Variants in SETMAR observed in about 807,000 individuals in gnomAD.
SETMAR encodes SET and mariner transposase domain methyltransferase.
Under a neutral mutation model 58.4 loss-of-function variants are expected in SETMAR, and 44 were observed. The ratio of observed to expected loss-of-function variants is 0.75; its 90% CI spans 0.59 to 0.97. The LOEUF is 0.97. SETMAR is among the 50% of genes least tolerant of loss of function. SETMAR has a pLI of 0.00. For synonymous variants in SETMAR, 332 were observed against 307.4 expected (o/e 1.08, Z -0.84); for missense variants, 903 against 840.2 (o/e 1.07, Z -0.92).
At position 4,313,080 on chromosome 3, in the gene SETMAR, G is replaced by C. The variant is rs1698479714; in HGVS notation, c.339G>C (p.Glu113Asp). The change falls in exon 2 of 3, where the codon GAG becomes GAC. Residue 113 changes from glutamate (E) to aspartate (D), a missense_variant. By Grantham distance (45) the Glu-to-Asp change is conservative. Coordinates refer to ENST00000358065, the MANE Select transcript of SETMAR (RefSeq NM_006515.4). The stretch of plus-strand genomic sequence containing the variant: ...TAGGATCTGGAGGAAAGTATGCAGA[G>C]CCTGTTTTTGAATGCAATGTCCTGT... Reference protein sequence around the residue: ...RDIGSGGKYAEPVFECNVLCR... With the variant: ...RDIGSGGKYADPVFECNVLCR... 1.2e-6 allele frequency: 2 copies of C among 1,613,944 alleles called. No homozygotes were observed. The highest frequency in any genetic ancestry group is 2.2e-5 in the East Asian group (1 of 44,878).
In SETMAR at chr3:4,317,181, G is replaced by T; in HGVS notation, c.1990G>T (p.Gly664Ter). 6.5e-7 allele frequency: 1 copy of T among 1,550,176 alleles called. No homozygotes were observed. The highest frequency in any genetic ancestry group is 8.7e-7 in the Non-Finnish European group (1 of 1,146,386). ...ESQSTDFYATGINQLISRWQK... is the reference protein window; with the variant it reads ...ESQSTDFYAT ...CCAAAGCACGGATTTTTACGCTACA[G>T]GAATAAACCAACTTATTTCTCGTTG... Residue 664 changes from glycine to a stop codon, truncating the protein, a stop_gained, in exon 3 of 3, where the codon GGA (glycine) becomes TGA (stop). Transcript: ENST00000358065. LOFTEE classifies it high-confidence loss of function.
chr3:4,307,223 T>A (rs1698223371), intron 1 of SETMAR, among the ~76,000 whole-genome samples: 1 of 152,222 alleles, frequency 6.6e-6, no homozygotes, highest in Non-Finnish European at 1.5e-5. Context: ...GGGTCTTCAG[T>A]ACGGAATGTG....
intron 1 of SETMAR, among the ~76,000 whole-genome samples, chr3:4,307,840 C>T (rs1698251679): frequency 6.6e-6 from 1 of 152,038 alleles, no homozygotes; most frequent in Non-Finnish European, 1.5e-5. Context: ...AGTTTAAGAC[C>T]ACCCTTAACA....
At chr3:4,310,145 T>G (rs749366971) in intron 1 of SETMAR, among the ~76,000 whole-genome samples, 26 of 152,236 alleles carry the variant, frequency 1.7e-4, no homozygotes, top group Non-Finnish European at 3.2e-4. Context: ...ACTACCATTG[T>G]ATATGCATAT....
At chr3:4,303,764 G>C (rs1450959547) in intron 1 of SETMAR, 14 of 1,461,690 alleles carry the variant, frequency 9.6e-6, no homozygotes, top group Non-Finnish European at 1.2e-5. Flanking sequence ...CGCAGAACCG[G>C]AGGCCTTGTG....
chr3:4,315,689 TATACTTCCACTTGACTATTATCCC>T (rs1670112741), intron 2 of SETMAR, among the ~76,000 whole-genome samples: 2 of 152,306 alleles, frequency 1.3e-5, no homozygotes, highest in Non-Finnish European at 2.9e-5. Flanking sequence ...CATTTAAAAA[TATACTTCCACTTGACTATTATCCC>T]ATGATAAAAT....
In SETMAR at chr3:4,313,729, G is replaced by T; in HGVS notation, c.988G>T (p.Val330Leu). Reference sequence around the variant, plus strand: ...CAGCATGTGTGGCTCAGCCCCTTCTGTGTTCCCCTCCTGCAAGCGATTGAC... The same window carrying T: ...CAGCATGTGTGGCTCAGCCCCTTCTTTGTTCCCCTCCTGCAAGCGATTGAC... ...EPSMCGSAPS[V>L]FPSCKRLTLE... Residue 330 changes from valine to leucine, a missense_variant, in exon 2 of 3, where the codon GTG becomes TTG. Physicochemically the swap from Val to Leu is conservative, Grantham distance 32 (BLOSUM62 1). Coordinates refer to ENST00000358065, the MANE Select transcript of SETMAR (RefSeq NM_006515.4). 1.2e-6 allele frequency: 2 copies of T among 1,614,038 alleles called. No homozygotes were observed. Among genetic ancestry groups the T allele is most frequent in the Non-Finnish European group, 1.7e-6 (2 of 1,179,960 alleles).
chr3:4,305,075 A>G (rs1404975542), intron 1 of SETMAR, among the ~76,000 whole-genome samples: 1 of 152,076 alleles, frequency 6.6e-6, no homozygotes, highest in Non-Finnish European at 1.5e-5. Flanking sequence ...ATCAATAGAA[A>G]TGTTTAGGTT....
At chr3:4,308,135 G>A (rs1217698878) in intron 1 of SETMAR, among the ~76,000 whole-genome samples, 1 of 152,188 alleles carries the variant, frequency 6.6e-6, no homozygotes, top group Non-Finnish European at 1.5e-5. Flanking sequence ...ACTGAAAGAA[G>A]TCTAGTCTGG....
At chr3:4,305,494 T>G (rs564561924) in intron 1 of SETMAR, among the ~76,000 whole-genome samples, 2 of 152,192 alleles carry the variant, frequency 1.3e-5, no homozygotes, top group Non-Finnish European at 1.5e-5. Flanking sequence ...TCGGTCTTAG[T>G]TGATTATCTC....
In SETMAR at chr3:4,313,531, G is replaced by C. The variant is rs767620834; in HGVS notation, c.790G>C (p.Gly264Arg). 3.7e-6 allele frequency: 6 copies of C among 1,613,996 alleles called. No homozygotes were observed. In the East Asian group the frequency reaches 1.3e-4, roughly 36 times the overall value. Residue 264 changes from glycine (G) to arginine (R), a missense_variant, in exon 2 of 3, where the codon GGA becomes CGA. Coordinates refer to ENST00000358065, the MANE Select transcript of SETMAR (RefSeq NM_006515.4). Reference sequence around the variant, plus strand: ...AGAAGAACTCTCTTATGATTATTCAGGAAGATATCTTAATCTAACAGTCAG... The same window carrying C: ...AGAAGAACTCTCTTATGATTATTCACGAAGATATCTTAATCTAACAGTCAG... ...PEEELSYDYS[G>R]RYLNLTVSED...
intron 1 of SETMAR, among the ~76,000 whole-genome samples, chr3:4,310,270 A>G (rs1206982663): frequency 6.6e-6 from 1 of 152,238 alleles, no homozygotes; most frequent in Non-Finnish European, 1.5e-5. Context: ...ATTTCTGAAA[A>G]TAATAAATAG....
Position 4,313,078 on chromosome 3 carries a change from G to A in SETMAR, c.337G>A (p.Glu113Lys), listed in dbSNP as rs1698479505. ...TATAGGATCTGGAGGAAAGTATGCA[G>A]AGCCTGTTTTTGAATGCAATGTCCT... ...RDIGSGGKYAEPVFECNVLCR... is the reference protein window; with the variant it reads ...RDIGSGGKYAKPVFECNVLCR... The change falls in exon 2 of 3, where the codon GAG becomes AAG. Residue 113 changes from glutamate to lysine, a missense_variant. Transcript: ENST00000358065. 2 of 1,613,964 alleles carry A rather than the reference G, an allele frequency of 1.2e-6. No individual in the cohort carries two copies. Among genetic ancestry groups the A allele is most frequent in the Non-Finnish European group, 1.7e-6 (2 of 1,179,946 alleles).
intron 1 of SETMAR, among the ~76,000 whole-genome samples, chr3:4,312,526 T>C (rs1448024463): frequency 6.6e-6 from 1 of 152,064 alleles, no homozygotes; most frequent in African/African-American, 2.4e-5. Flanking sequence ...TCCTTATACA[T>C]ACCTAAAATA....
chr3:4,316,652 A>G lies in SETMAR; in HGVS notation c.1461A>G (p.Pro487=). 3.2e-6 allele frequency: 5 copies of G among 1,551,232 alleles called. No individual in the cohort carries two copies. Among genetic ancestry groups the G allele is most frequent in the Non-Finnish European group, 4.4e-6 (5 of 1,146,770 alleles). Residue 487 remains proline (P), a synonymous_variant, in exon 3 of 3, where the codon CCA becomes CCG. Coordinates refer to ENST00000358065, the MANE Select transcript of SETMAR (RefSeq NM_006515.4). ...SSLILRNHNE[P]FLDRIVTCDE... Reference sequence around the variant, plus strand: ...TTATTCTACGCAACCACAACGAACCATTTCTCGATCGGATTGTGACGTGTG... The same window carrying G: ...TTATTCTACGCAACCACAACGAACCGTTTCTCGATCGGATTGTGACGTGTG...
rs1265587487 is a variant in SETMAR at position 4,311,652 on chromosome 3, G to C, written c.157-1246G>C. 1.8e-4 allele frequency among the ~76,000 whole-genome samples: 28 copies of C among 152,138 alleles called. 1 individual carries two copies. Among genetic ancestry groups the C allele is most frequent in the Non-Finnish European group, 1.5e-5 (1 of 68,024 alleles). On this transcript the variant is annotated intron_variant, in intron 1 of 2. Coordinates refer to ENST00000358065, the MANE Select transcript of SETMAR (RefSeq NM_006515.4). ...TAATCATATATCCTTCTCTGAATTG[G>C]CAGCTCTCAGGCAGAGCCAAATATC...
rs140232302 is a variant in SETMAR, at chr3:4,304,799, A to G, written c.156+1273A>G. 7.8e-3 allele frequency among the ~76,000 whole-genome samples: 1,192 copies of G among 152,282 alleles called. 20 individuals are homozygous for G. The highest frequency in any genetic ancestry group is 0.027 in the African/African-American group (1,126 of 41,532). ...TATTTGAAGAGATTTATTCTGAGCC[A>G]AATATGAGTGACCATGGCCTGTGAC... On this transcript the variant is annotated intron_variant, in intron 1 of 2. Coordinates refer to ENST00000358065, the MANE Select transcript of SETMAR (RefSeq NM_006515.4).
intron 1 of SETMAR, among the ~76,000 whole-genome samples, chr3:4,304,266 C>T (rs942989505): frequency 6.6e-6 from 1 of 152,156 alleles, no homozygotes. Context: ...CTCAGCCTCC[C>T]GAGTAGCTGG....
rs764967658 is a variant in SETMAR at position 4,312,948 on chromosome 3, A to G, written c.207A>G (p.Gln69=). ...CTGGAGCAGACATTGATCCCACTCA[A>G]ATAACCTTTCCCGGATGCATTTGTG... is the stretch of plus-strand genomic sequence containing the variant. The part of the protein sequence containing the change: ...VGPGADIDPT[Q]ITFPGCICVK... Residue 69 remains glutamine, a synonymous_variant, in exon 2 of 3, where the codon CAA becomes CAG. Transcript: ENST00000358065. The G allele has an allele frequency of 9.3e-6, 15 of 1,613,784 alleles. No individual in the cohort carries two copies. The highest frequency in any genetic ancestry group is 5.9e-6 in the Non-Finnish European group (7 of 1,179,868).
Sources: gnomAD v4.1 joint callset for allele counts (sites outside exome capture counted in the v4.1 genomes callset) on GRCh38, gnomAD v4.1.1 for gene constraint, MANE v1.5 for transcripts, NCBI Gene and HGNC (gene_info 2026-07-23, HGNC 2026-07-21) for gene names.